The following COL21A1 variants were observed in gnomAD, a reference collection of about 807,000 sequenced individuals.
COL21A1 encodes collagen type XXI alpha 1 chain.
COL21A1 carries 149 observed loss-of-function variants against 137.9 expected under a neutral mutation model. The ratio of observed to expected loss-of-function variants is 1.08; its 90% CI spans 0.95 to 1.24. The LOEUF (loss-of-function observed/expected upper bound fraction) is 1.24, where lower values mean the gene tolerates loss of function less well. Among genes scored for constraint, COL21A1 ranks in the 50% most tolerant of loss-of-function variants. COL21A1 has a pLI of 0.00. For missense variants in COL21A1, 1,167 were observed against 1,158.4 expected, an observed-to-expected ratio of 1.01 and a Z score of -0.11; for synonymous variants, 456 against 391.5, an observed-to-expected ratio of 1.16 and a Z score of -1.95.
At chr6:56,106,023 T>C (rs1476874921) in intron 16 of COL21A1, among the ~76,000 whole-genome samples, 1 of 152,218 alleles carries the variant, frequency 6.6e-6, no homozygotes, top group African/African-American at 2.4e-5. Flanking sequence ...AAAGTATGGC[T>C]ACGGAGGAAA....
At chr6:56,237,776 C>T (rs1351339078) in intron 1 of COL21A1, among the ~76,000 whole-genome samples, 1 of 152,064 alleles carries the variant, frequency 6.6e-6, no homozygotes, top group Non-Finnish European at 1.5e-5. Flanking sequence ...TCTAACTATT[C>T]TACAGAGGCA....
At chr6:56,112,738 G>T (rs564030912) in intron 16 of COL21A1, among the ~76,000 whole-genome samples, 1 of 145,090 alleles carries the variant, frequency 6.9e-6, no homozygotes, top group Non-Finnish European at 1.5e-5. Flanking sequence ...AGGCTGGAGT[G>T]CAATGGCGTG....
At chr6:56,107,542 C>T (rs1771059726) in intron 16 of COL21A1, among the ~76,000 whole-genome samples, 1 of 151,900 alleles carries the variant, frequency 6.6e-6, no homozygotes, top group South Asian at 2.1e-4. Context: ...GTTTTAAACT[C>T]TCATCTTCAT....
intron 25 of COL21A1, 108 bp downstream of exon 25, chr6:56,061,540 AT>A: frequency 3.4e-6 from 2 of 589,526 alleles, no homozygotes; most frequent in Non-Finnish European, 5.7e-6. Flanking sequence ...GATGAAAAAC[AT>A]TTCGTTTTCT....
chr6:56,248,734 GT>G (rs1216752219), upstream of COL21A1, among the ~76,000 whole-genome samples: 12 of 152,314 alleles, frequency 7.9e-5, no homozygotes, highest in African/African-American at 2.9e-4. Flanking sequence ...CTTAATTCAG[GT>G]GTGATACAAA....
chr6:56,367,294 G>A (rs887579407), intron 1 of COL21A1, among the ~76,000 whole-genome samples: 2 of 152,062 alleles, frequency 1.3e-5, no homozygotes, highest in African/African-American at 2.4e-5. Flanking sequence ...GCATGTTCAC[G>A]CCTTCCCTAT....
chr6:56,159,024 G>T (rs1234061918), intron 9 of COL21A1, among the ~76,000 whole-genome samples: 2 of 152,142 alleles, frequency 1.3e-5, no homozygotes, highest in African/African-American at 4.8e-5. Flanking sequence ...TTTTGAGAAG[G>T]TGCACATTAA....
chr6:56,074,904 T>C (rs1387227860), intron 19 of COL21A1, among the ~76,000 whole-genome samples: 1 of 151,330 alleles, frequency 6.6e-6, no homozygotes, highest in Non-Finnish European at 1.5e-5. Flanking sequence ...GAAAATATAA[T>C]CTCAATATGA....
intron 16 of COL21A1, among the ~76,000 whole-genome samples, chr6:56,115,742 T>C (rs1347485048): frequency 6.6e-6 from 1 of 151,998 alleles, no homozygotes; most frequent in Admixed American, 6.6e-5. Context: ...GAATTCAAAA[T>C]AGGTGTGTTG....
At chr6:56,084,227 T>C (rs1470550026) in intron 17 of COL21A1, among the ~76,000 whole-genome samples, 2 of 151,246 alleles carry the variant, frequency 1.3e-5, no homozygotes, top group East Asian at 3.9e-4. Context: ...AATATATATA[T>C]ATAAAAAACA....
intron 1 of COL21A1, among the ~76,000 whole-genome samples, chr6:56,325,585 C>A (rs1230742042): frequency 4.6e-5 from 1 of 21,732 alleles, no homozygotes; most frequent in African/African-American, 1.4e-4. Flanking sequence ...TAATATATAT[C>A]TATAATATAT....
chr6:56,129,483 ATT>A (rs1365460919), intron 12 of COL21A1, among the ~76,000 whole-genome samples: 4 of 152,234 alleles, frequency 2.6e-5, no homozygotes, highest in Non-Finnish European at 5.9e-5. Flanking sequence ...CTTCTTTCTC[ATT>A]TAAACTACTG....
At position 56,141,911 on chromosome 6, in the gene COL21A1, A is replaced by G. The variant is rs772156174; in HGVS notation, c.1488+19T>C. The G allele has an allele frequency of 8.3e-6, 13 of 1,564,808 alleles. No individual in the cohort carries two copies. Among genetic ancestry groups the G allele is most frequent in the Non-Finnish European group, 1.0e-5 (12 of 1,151,884 alleles). On this transcript the variant is annotated intron_variant, in intron 11 of 29. Coordinates refer to ENST00000244728, the MANE Select transcript of COL21A1 (RefSeq NM_030820.4). ...ACTAAAAATAAAATTTATAAAATGT[A>G]TATAAGTGGATCACATACTTGTATT...
chr6:56,170,341 A>C (rs1291125383), intron 5 of COL21A1, among the ~76,000 whole-genome samples: 2 of 151,762 alleles, frequency 1.3e-5, no homozygotes, highest in Non-Finnish European at 3.0e-5. Context: ...AACATCCTTG[A>C]ATATTAGTTT....
chr6:56,288,204 G>T (rs887994052), intron 1 of COL21A1, among the ~76,000 whole-genome samples: 7 of 151,064 alleles, frequency 4.6e-5, no homozygotes, highest in African/African-American at 1.7e-4. Flanking sequence ...TGCATGGAAT[G>T]CTGATAGTTT....
Position 56,170,984 on chromosome 6 carries a change from T to G in COL21A1, c.785A>C (p.Lys262Thr), listed in dbSNP as rs1269185590. The G allele has an allele frequency of 6.2e-7, 1 of 1,603,080 alleles. No homozygotes were observed. The highest frequency in any genetic ancestry group is 8.5e-7 in the Non-Finnish European group (1 of 1,176,064). The change falls in exon 4 of 30, where the codon AAA becomes ACA. Residue 262 changes from lysine (K) to threonine (T), a missense_variant. By Grantham distance (78) the Lys-to-Thr change is moderately conservative. Transcript: ENST00000244728. ...CCTTGTGAGTTCTGATAAATCAACT[T>G]TTGATGTTACTTCATATCCTTTTAT... ...KKIKGYEVTS[K>T]VDLSELTSNV...
intron 1 of COL21A1, among the ~76,000 whole-genome samples, chr6:56,233,530 T>C (rs1478878861): frequency 6.6e-6 from 1 of 151,656 alleles, no homozygotes; most frequent in South Asian, 2.1e-4. Flanking sequence ...AATAGCTAGA[T>C]GGAAAATCAA....
chr6:56,156,457 C>T (rs183517620), intron 10 of COL21A1, among the ~76,000 whole-genome samples: 32 of 152,272 alleles, frequency 2.1e-4, no homozygotes, highest in Non-Finnish European at 3.2e-4. Context: ...AATTTTATAA[C>T]CCAGAAATGT....
At chr6:56,237,531 GC>G (rs1781986330) in intron 1 of COL21A1, among the ~76,000 whole-genome samples, 1 of 152,068 alleles carries the variant, frequency 6.6e-6, no homozygotes, top group African/African-American at 2.4e-5. Context: ...GGCTCTTTAG[GC>G]CAAAGGCTCA....
Sources: gnomAD v4.1 joint callset for allele counts (sites outside exome capture counted in the v4.1 genomes callset) on GRCh38, gnomAD v4.1.1 for gene constraint, MANE v1.5 for transcripts, NCBI Gene and HGNC (gene_info 2026-07-23, HGNC 2026-07-21) for gene names.